ERLEC1: variants seen among roughly 807,000 people sequenced by gnomAD.
ERLEC1 encodes the protein ER lectin.
In ERLEC1, 47 loss-of-function variants were observed where a neutral mutation model predicts 68.0. The observed-to-expected ratio is 0.69, with a 90% confidence interval of 0.55 to 0.88. The LOEUF (loss-of-function observed/expected upper bound fraction) is 0.88, where lower values mean the gene tolerates loss of function less well. ERLEC1 is among the 40% of genes least tolerant of loss of function. The probability of loss-of-function intolerance (pLI) is 0.00; values close to 1 mark genes in which losing one functional copy is unlikely to be tolerated. For synonymous variants in ERLEC1, 225 were observed against 203.2 expected (o/e 1.11, Z -0.91); for missense variants, 567 against 583.8 (o/e 0.97, Z 0.30).
At chr2:53,794,270 C>T in intron 1 of ERLEC1, 75 bp from the exon 2 acceptor site, 4 of 591,276 alleles carry the variant, frequency 6.8e-6, no homozygotes, top group African/African-American at 1.9e-5. Flanking sequence ...ATCTTTTTTC[C>T]AGCTAAGACT....
At chr2:53,807,068 C>T (rs138427705) in intron 8 of ERLEC1, among the ~76,000 whole-genome samples, 19 of 152,300 alleles carry the variant, frequency 1.2e-4, no homozygotes, top group Non-Finnish European at 2.4e-4. Flanking sequence ...TGAAGTAATA[C>T]TTAAAAATAT....
chr2:53,811,267 C>A (rs1446836270), intron 10 of ERLEC1, among the ~76,000 whole-genome samples: 1 of 152,144 alleles, frequency 6.6e-6, no homozygotes. Flanking sequence ...CCAGTTTTTG[C>A]TGTGATATGT....
chr2:53,808,407 A>G lies in ERLEC1; in HGVS notation c.988A>G (p.Thr330Ala). 6.2e-7 allele frequency: 1 copy of G among 1,614,164 alleles called. No individual in the cohort carries two copies. The highest frequency in any genetic ancestry group is 1.3e-5 in the African/African-American group (1 of 75,046). ...TGGGACAACCCACATATCCAAATTG[A>G]CAGATGACCAACTCATAAAAGAGTT... ...TVGTTHISKL[T>A]DDQLIKEFLS... Residue 330 changes from threonine (T) to alanine (A), a missense_variant, in exon 9 of 14, where the codon ACA (threonine) becomes GCA (alanine). Coordinates refer to ENST00000185150, the MANE Select transcript of ERLEC1 (RefSeq NM_015701.5).
chr2:53,789,795 G>A (rs913254083), intron 1 of ERLEC1, among the ~76,000 whole-genome samples: 4 of 152,052 alleles, frequency 2.6e-5, no homozygotes, highest in African/African-American at 9.7e-5. Flanking sequence ...GAGCTGGGTG[G>A]ATTACTTGAG....
At chr2:53,808,730 A>T (rs541781127) in intron 9 of ERLEC1, among the ~76,000 whole-genome samples, 3 of 152,350 alleles carry the variant, frequency 2.0e-5, no homozygotes, top group African/African-American at 7.2e-5. Flanking sequence ...TAGAATGAGC[A>T]TGTGATTGTA....
At chr2:53,794,673 T>G (rs1675590853) in intron 2 of ERLEC1, among the ~76,000 whole-genome samples, 1 of 152,206 alleles carries the variant, frequency 6.6e-6, no homozygotes, top group African/African-American at 2.4e-5. Flanking sequence ...TTATTTATTT[T>G]GAGACGAAGT....
chr2:53,801,330 C>T (rs1328845997), intron 6 of ERLEC1, 67 bp from the exon 7 acceptor site: 21 of 1,125,792 alleles, frequency 1.9e-5, no homozygotes, highest in Non-Finnish European at 1.4e-5. Context: ...ATAATAAGTT[C>T]CTCTCCCACC....
intron 1 of ERLEC1, among the ~76,000 whole-genome samples, chr2:53,792,066 C>T (rs1675434043): frequency 1.3e-5 from 2 of 151,920 alleles, no homozygotes; most frequent in Admixed American, 1.3e-4. Context: ...CGCCCGCCAC[C>T]ACGGCCGGCT....
In ERLEC1 at chr2:53,801,777, C is replaced by T. The variant is rs770557158; in HGVS notation, c.814C>T (p.Leu272Phe). ...ACTGCCAGGATCTCCATTTAAGCCCCTCACCCTGAGGCAGCTGGAGCAGCA... is the reference window on the plus strand; with the variant it reads ...ACTGCCAGGATCTCCATTTAAGCCCTTCACCCTGAGGCAGCTGGAGCAGCA... ...QSLPGSPFKP[L>F]TLRQLEQQEE... is the part of the protein sequence containing the mutation. Residue 272 changes from leucine (L) to phenylalanine (F), a missense_variant, in exon 8 of 14, where the codon CTC becomes TTC. Transcript: ENST00000185150. 1.2e-6 allele frequency: 2 copies of T among 1,614,000 alleles called. No individual in the cohort carries two copies. Among genetic ancestry groups the T allele is most frequent in the Non-Finnish European group, 1.7e-6 (2 of 1,179,898 alleles).
rs758862552 is a variant in ERLEC1 at position 53,787,058 on chromosome 2, C to A, written c.-153C>A. ...CTCAAGGGGGCGGAGGCGGCGTTGC[C>A]GGGCTCTCCGGAAGGAGACGTGGCG... On this transcript the variant is annotated 5_prime_UTR_variant, in exon 1 of 14. Coordinates refer to ENST00000185150, the MANE Select transcript of ERLEC1 (RefSeq NM_015701.5). The A allele has an allele frequency of 9.1e-7, 1 of 1,102,060 alleles. No individual in the cohort carries two copies. 68.3% of individuals were successfully genotyped at this position (1,102,060 alleles called of 1,614,324 possible).
At position 53,808,377 on chromosome 2, in the gene ERLEC1, AC is replaced by A; in HGVS notation, c.959del (p.Thr320MetfsTer10). ...SIAIGSQPVL[T>X]VGTTHISKLT... ...TGCTATTGGCTCTCAGCCAGTGCTC[AC>A]TGTTGGGACAACCCACATATCCAAA... is the stretch of plus-strand genomic sequence containing the variant. On this transcript the variant is annotated frameshift_variant, in exon 9 of 14. Transcript: ENST00000185150. LOFTEE classifies it high-confidence loss of function. 1 of 1,614,218 alleles carries A rather than the reference AC, an allele frequency of 6.2e-7. No individual in the cohort carries two copies. Among genetic ancestry groups the A allele is most frequent in the Non-Finnish European group, 8.5e-7 (1 of 1,180,044 alleles).
At chr2:53,806,688 A>C (rs1481065233) in intron 8 of ERLEC1, among the ~76,000 whole-genome samples, 1 of 152,196 alleles carries the variant, frequency 6.6e-6, no homozygotes, top group South Asian at 2.1e-4. Flanking sequence ...ATACAAGCTG[A>C]AGTAGAAGCA....
At chr2:53,797,981 G>A (rs1675806721) in intron 5 of ERLEC1, among the ~76,000 whole-genome samples, 186 bp downstream of exon 5, 1 of 152,196 alleles carries the variant, frequency 6.6e-6, no homozygotes, top group African/African-American at 2.4e-5. Context: ...AGGATCACAA[G>A]GTCGGGAGAT....
intron 1 of ERLEC1, chr2:53,787,656 C>T (rs1299512157): frequency 2.9e-6 from 1 of 346,514 alleles, no homozygotes; most frequent in Non-Finnish European, 5.2e-6. Context: ...CCTGCAGAAG[C>T]AGCTTTCGTA....
At chr2:53,811,737 G>A (rs1021313524) in intron 10 of ERLEC1, among the ~76,000 whole-genome samples, 4 of 152,270 alleles carry the variant, frequency 2.6e-5, no homozygotes, top group Middle Eastern at 3.4e-3. Context: ...AATTCCAACC[G>A]AGGCAGTCTG....
Position 53,801,846 on chromosome 2 carries a change from T to G in ERLEC1, c.879+4T>G, listed in dbSNP as rs1463568978. On this transcript the variant is annotated splice_donor_region_variant and intron_variant, in intron 8 of 13. Coordinates refer to ENST00000185150, the MANE Select transcript of ERLEC1 (RefSeq NM_015701.5). Reference sequence around the variant, plus strand: ...GCCTTTTAGGAGAAATAAAGAGGTATGAGAATTGTCTAATGATAGCTTTTT... The same window carrying G: ...GCCTTTTAGGAGAAATAAAGAGGTAGGAGAATTGTCTAATGATAGCTTTTT... 6.2e-7 allele frequency: 1 copy of G among 1,611,496 alleles called. No individual in the cohort carries two copies. Among genetic ancestry groups the G allele is most frequent in the Non-Finnish European group, 8.5e-7 (1 of 1,178,790 alleles).
At chr2:53,787,592 G>A (rs1399972756) in intron 1 of ERLEC1, 1 of 437,184 alleles carries the variant, frequency 2.3e-6, no homozygotes. Flanking sequence ...GCAATCACCT[G>A]CTCTCCACCT....
Position 53,818,196 on chromosome 2 carries a change from G to T in ERLEC1, c.*227G>T, listed in dbSNP as rs576721030. On this transcript the variant is annotated 3_prime_UTR_variant, in exon 14 of 14. Coordinates refer to ENST00000185150, the MANE Select transcript of ERLEC1 (RefSeq NM_015701.5). ...TCATTTTTGTTGTGTCTTATAAACT[G>T]ACTGTTTTTCTTTGCTTGGATACTG... The T allele has an allele frequency of 1.3e-4, 45 of 350,450 alleles. No homozygotes were observed. The South Asian group carries it at 3.1e-3, about 24-fold the overall frequency. The allele number at this position is 350,450 out of a possible 1,614,324, so 21.7% of individuals were successfully genotyped here. A position where few individuals can be genotyped will look rare whatever the true frequency, so the allele number is the denominator to read the frequency against.
intron 1 of ERLEC1, among the ~76,000 whole-genome samples, chr2:53,793,484 G>A (rs1258007278): frequency 6.6e-6 from 1 of 152,158 alleles, no homozygotes; most frequent in Non-Finnish European, 1.5e-5. Context: ...CAGTGGCAGA[G>A]GCGCAACAGA....
Sources: gnomAD v4.1 joint callset for allele counts (sites outside exome capture counted in the v4.1 genomes callset) on GRCh38, gnomAD v4.1.1 for gene constraint, MANE v1.5 for transcripts, NCBI Gene and HGNC (gene_info 2026-07-23, HGNC 2026-07-21) for gene names.